PARVG: variants seen among roughly 807,000 people sequenced by gnomAD.
The protein encoded by PARVG is parvin gamma, also known as gamma-parvin.
A neutral mutation model predicts 44.4 loss-of-function variants in PARVG; 36 were observed. The observed-to-expected ratio is 0.81, with a 90% CI of 0.62 to 1.07. The LOEUF (loss-of-function observed/expected upper bound fraction) is 1.07. Among genes scored for constraint, PARVG ranks in the 50% least tolerant of loss-of-function variants. The pLI is 0.00. For synonymous variants in PARVG, 170 were observed against 174.1 expected (o/e 0.98, Z 0.19); for missense variants, 407 against 407.4 (o/e 1.00, Z 0.01).
chr22:44,201,272 C>T (rs1369360028), intron 12 of PARVG, among the ~76,000 whole-genome samples: 1 of 152,188 alleles, frequency 6.6e-6, no homozygotes, highest in Non-Finnish European at 1.5e-5. Context: ...GCCCTCTCCC[C>T]ACTCACCCTC....
intron 12 of PARVG, among the ~76,000 whole-genome samples, chr22:44,201,216 A>G (rs924339749): frequency 6.6e-6 from 1 of 152,100 alleles, no homozygotes; most frequent in Non-Finnish European, 1.5e-5. Flanking sequence ...CCTGTACCAC[A>G]GTCCACACTC....
Position 44,173,718 on chromosome 22 carries a change from A to G in PARVG, c.-189+527A>G, listed in dbSNP as rs12484295. Among the ~76,000 whole-genome samples the G allele has an allele frequency of 5.6e-4, 85 of 152,348 alleles. 1 individual carries two copies. Among genetic ancestry groups the G allele is most frequent in the Admixed American group, 4.3e-3 (66 of 15,310 alleles). On this transcript the variant is annotated intron_variant, in intron 1 of 13. Transcript: ENST00000422871. ...AATTCAACCTCCTTCTTTCAAAGTC[A>G]GCCATTGTCAGCAGAGAGGGAGGTT...
At chr22:44,193,686 C>A (rs951701976) in intron 8 of PARVG, 115 bp from the exon 9 acceptor site, 3 of 1,338,854 alleles carry the variant, frequency 2.2e-6, no homozygotes, top group Non-Finnish European at 3.1e-6. Context: ...AAACCACAAG[C>A]ATGCCAGTTT....
chr22:44,183,011 G>A, intron 2 of PARVG: 1 of 390,524 alleles, frequency 2.6e-6, no homozygotes, highest in African/African-American at 2.1e-5. Context: ...GGGGCTGGGG[G>A]CTGCAGGAGC....
At position 44,185,652 on chromosome 22, in the gene PARVG, G is replaced by A. The variant is rs1295406154; in HGVS notation, c.80-156G>A. On this transcript the variant is annotated intron_variant, in intron 3 of 13. Transcript: ENST00000444313. ...CTGCAGTGTCTGAGGATGAGCTGGT[G>A]TTCGTGAGGGAAATGAGGGAAAGCA... is the stretch of plus-strand genomic sequence containing the variant. The A allele has an allele frequency of 1.5e-5, 9 of 605,954 alleles. No homozygotes were observed. In the South Asian group the frequency reaches 1.7e-4, roughly 11 times the overall value. 37.5% of individuals were successfully genotyped at this position (605,954 alleles called of 1,614,324 possible).
At chr22:44,177,872 T>A (rs893676575), upstream of PARVG, among the ~76,000 whole-genome samples, 10 of 152,276 alleles carry the variant, frequency 6.6e-5, no homozygotes, top group Non-Finnish European at 1.2e-4. Context: ...TTTTAAAAAA[T>A]ATATATTACT....
chr22:44,196,610 G>GA (rs1029882286), intron 11 of PARVG, among the ~76,000 whole-genome samples, 195 bp downstream of exon 11: 1 of 152,114 alleles, frequency 6.6e-6, no homozygotes, highest in African/African-American at 2.4e-5. Context: ...GGATCCCGGG[G>GA]GTGGAGGTGT....
At chr22:44,173,016 A>G (rs2054283521) in exon 1 of PARVG, 1 of 1,289,656 alleles carries the variant, frequency 7.8e-7, no homozygotes, top group South Asian at 1.2e-5. Context: ...GTGCCAGCGA[A>G]GGAACAGGTG....
chr22:44,200,833 G>A (rs1320063668), intron 12 of PARVG, among the ~76,000 whole-genome samples: 6 of 151,990 alleles, frequency 3.9e-5, no homozygotes, highest in Non-Finnish European at 8.8e-5. Flanking sequence ...GTCCCCCCTG[G>A]ACCCCTACCA....
upstream of PARVG, among the ~76,000 whole-genome samples, chr22:44,176,523 A>G (rs2054320210): frequency 6.6e-6 from 1 of 152,210 alleles, no homozygotes; most frequent in South Asian, 2.1e-4. Context: ...AGAGGCACAA[A>G]CAGCGTCCAC....
intron 1 of PARVG, 24 bp from the exon 2 acceptor site, chr22:44,181,718 C>G (rs932821438): frequency 4.1e-6 from 4 of 985,350 alleles, no homozygotes; most frequent in Non-Finnish European, 4.8e-6. Flanking sequence ...TCACGGCATC[C>G]ACCCCCCTCG....
chr22:44,173,209 A>G (rs528203330), intron 1 of PARVG: 26 of 1,231,688 alleles, frequency 2.1e-5, no homozygotes, highest in Non-Finnish European at 2.7e-5. Flanking sequence ...ATAAAGGCTC[A>G]TCTGCCCCTC....
chr22:44,191,285 C>T (rs1228165004), intron 7 of PARVG, among the ~76,000 whole-genome samples: 1 of 152,082 alleles, frequency 6.6e-6, no homozygotes, highest in Non-Finnish European at 1.5e-5. Context: ...CCCACCCCAG[C>T]CTCGGGTCCC....
rs2054401325 is a variant in PARVG at position 44,182,760 on chromosome 22, G to A, written c.-12-558G>A. Among the ~76,000 whole-genome samples the A allele has an allele frequency of 1.3e-5, 2 of 152,222 alleles. No homozygotes were observed. The highest frequency in any genetic ancestry group is 2.1e-4 in the South Asian group (1 of 4,834). On this transcript the variant is annotated intron_variant, in intron 2 of 13. Transcript: ENST00000444313. This position sits in a 1 kb window ranked among gnomAD's most constrained non-coding sequence, Gnocchi z 4.6. The stretch of plus-strand genomic sequence containing the variant: ...TGGCCTCTGGGTCTGCCCCTGTCCC[G>A]GGCATGTGGTGAGCCCAGCCTTCTG...
rs925707998 is a variant in PARVG, at chr22:44,181,159, T to C, written c.-215T>C. 8 of 390,164 alleles carry C rather than the reference T, an allele frequency of 2.1e-5. No homozygotes were observed. Among genetic ancestry groups the C allele is most frequent in the African/African-American group, 1.7e-4 (8 of 45,832 alleles). The allele number at this position is 390,164 out of a possible 1,614,324, so 24.2% of individuals were successfully genotyped here. A position where few individuals can be genotyped will look rare whatever the true frequency, so the allele number is the denominator to read the frequency against. ...CCAATATTTATTCACTGAGCCCACT[T>C]TGTGCCAAGCATTGTTCTAGACACG... On this transcript the variant is annotated 5_prime_UTR_variant, in exon 1 of 14. Coordinates refer to ENST00000444313, the MANE Select transcript of PARVG (RefSeq NM_022141.7).
intron 2 of PARVG, 56 bp downstream of exon 2, chr22:44,181,973 G>A (rs1220890874): frequency 1.1e-5 from 11 of 984,194 alleles, no homozygotes; most frequent in South Asian, 4.7e-5. Flanking sequence ...CGGAGGGAGG[G>A]GCCCAGACAC....
At chr22:44,205,128 C>A (rs756927644) in intron 12 of PARVG, among the ~76,000 whole-genome samples, 1 of 152,210 alleles carries the variant, frequency 6.6e-6, no homozygotes, top group Non-Finnish European at 1.5e-5. Context: ...TGAGACTGCA[C>A]CCCAGGCAAG....
intron 1 of PARVG, among the ~76,000 whole-genome samples, chr22:44,173,667 C>T (rs1025147657): frequency 6.6e-6 from 1 of 152,204 alleles, no homozygotes. Context: ...TAATCCACAC[C>T]TTCCAGCTGA....
At chr22:44,191,299 T>G (rs1028742496) in intron 7 of PARVG, among the ~76,000 whole-genome samples, 2 of 151,104 alleles carry the variant, frequency 1.3e-5, no homozygotes, top group East Asian at 3.9e-4. Flanking sequence ...GGGTCCCTCA[T>G]GCATAGGGGC....
Sources: gnomAD v4.1 joint callset for allele counts (sites outside exome capture counted in the v4.1 genomes callset) on GRCh38, gnomAD v4.1.1 for gene constraint, Gnocchi (gnomAD v3.1) non-coding constraint, MANE v1.5 for transcripts, NCBI Gene and HGNC (gene_info 2026-07-23, HGNC 2026-07-21) for gene names.